The following WDFY4 variants were observed in gnomAD, a reference collection of about 807,000 sequenced individuals.
The protein encoded by WDFY4 is WDFY family member 4.
In WDFY4, 169 loss-of-function variants were observed where a neutral mutation model predicts 351.9. That is an observed-to-expected ratio of 0.48 (90% confidence interval 0.42 to 0.55). The LOEUF is 0.55. Ranked by LOEUF, WDFY4 falls within the 20% of genes least tolerant of loss-of-function variation. The pLI is 0.00. For synonymous variants in WDFY4, 1,622 were observed against 1,574.6 expected, an observed-to-expected ratio of 1.03 and a Z score of -0.71; for missense variants, 3,803 against 3,935.6, an observed-to-expected ratio of 0.97 and a Z score of 0.90.
At chr10:48,820,588 C>A in intron 33 of WDFY4, 151 bp downstream of exon 33, 1 of 379,666 alleles carries the variant, frequency 2.6e-6, no homozygotes, top group Non-Finnish European at 3.6e-6. Context: ...AAAAAAGCAA[C>A]AGGTGATAGA....
At chr10:48,828,706 TAAAG>T (rs1007610472) in intron 36 of WDFY4, 68 bp from the exon 37 acceptor site, 175 of 883,958 alleles carry the variant, frequency 2.0e-4, no homozygotes, top group Middle Eastern at 2.4e-4. Flanking sequence ...TTATTTGTAA[TAAAG>T]AACAATAGAA....
At chr10:48,765,700 C>T (rs1045140385) in intron 13 of WDFY4, among the ~76,000 whole-genome samples, 1 of 152,156 alleles carries the variant, frequency 6.6e-6, no homozygotes, top group African/African-American at 2.4e-5. Flanking sequence ...GACTGGACCT[C>T]CTGCCCCCCA....
chr10:48,778,289 G>A (rs1411029394), intron 17 of WDFY4, among the ~76,000 whole-genome samples: 4 of 152,230 alleles, frequency 2.6e-5, no homozygotes, highest in African/African-American at 9.6e-5. Flanking sequence ...TGTGATGGGA[G>A]GGCACATGGC....
chr10:48,875,079 C>A lies in WDFY4; in HGVS notation c.6949-10C>A. The A allele has an allele frequency of 6.8e-7, 1 of 1,475,874 alleles. No individual in the cohort carries two copies. The highest frequency in any genetic ancestry group is 9.0e-7 in the Non-Finnish European group (1 of 1,109,130). The allele number at this position is 1,475,874 out of a possible 1,614,324, so 91.4% of individuals were successfully genotyped here. Reference sequence around the variant, plus strand: ...GGATTTAATTTTTCTTTTCAATGTCCTTATTTCAGGAAAGCCAAGACAAAA... The same window carrying A: ...GGATTTAATTTTTCTTTTCAATGTCATTATTTCAGGAAAGCCAAGACAAAA... On this transcript the variant is annotated splice_polypyrimidine_tract_variant and intron_variant, in intron 41 of 61. Transcript: ENST00000325239.
intron 9 of WDFY4, among the ~76,000 whole-genome samples, chr10:48,731,918 TC>T: frequency 6.6e-6 from 1 of 152,080 alleles, no homozygotes; most frequent in South Asian, 2.1e-4. Flanking sequence ...CCTCCTGGGG[TC>T]TGCTGGGATA....
At chr10:48,787,974 TCTTCTTCTTCTC>T (rs1565199346) in intron 20 of WDFY4, among the ~76,000 whole-genome samples, 51 of 74,122 alleles carry the variant, frequency 6.9e-4, no homozygotes, top group South Asian at 3.2e-3. Context: ...TTCTTCTTCT[TCTTCTTCTTCTC>T]CTTCTCCTTC....
At chr10:48,767,910 C>T (rs1021657208) in intron 13 of WDFY4, among the ~76,000 whole-genome samples, 39 of 152,204 alleles carry the variant, frequency 2.6e-4, no homozygotes, top group African/African-American at 8.7e-4. Context: ...ACTTCCAGGA[C>T]CCCCAGAAAG....
intron 57 of WDFY4, among the ~76,000 whole-genome samples, chr10:48,972,301 A>T (rs1842371991): frequency 6.6e-6 from 1 of 152,246 alleles, no homozygotes; most frequent in South Asian, 2.1e-4. Flanking sequence ...TTTTATTTTT[A>T]AAGATACTGC....
At position 48,826,812 on chromosome 10, in the gene WDFY4, C is replaced by T; in HGVS notation, c.6124C>T (p.Leu2042=). 6.4e-7 allele frequency: 1 copy of T among 1,551,916 alleles called. No individual in the cohort carries two copies. The highest frequency in any genetic ancestry group is 8.7e-7 in the Non-Finnish European group (1 of 1,147,004). ...CLGLLSILGF[L]QEHWDVVFAT... ...CGGCCTTCTCAGCATCCTGGGCTTT[C>T]TGCAGGAGCACTGGGATGTTGTCTT... The change falls in exon 36 of 62, where the codon CTG becomes TTG. Residue 2042 remains leucine (L), a synonymous_variant. Coordinates refer to ENST00000325239, the MANE Select transcript of WDFY4 (RefSeq NM_001394531.1).
At chr10:48,835,763 C>T (rs944500520) in intron 39 of WDFY4, among the ~76,000 whole-genome samples, 4 of 152,212 alleles carry the variant, frequency 2.6e-5, no homozygotes, top group African/African-American at 9.6e-5. Flanking sequence ...TCTCCACTGA[C>T]CCCACTTTCC....
chr10:48,790,614 C>A, intron 22 of WDFY4, 113 bp from the exon 23 acceptor site: 2 of 1,238,388 alleles, frequency 1.6e-6, no homozygotes, highest in Non-Finnish European at 2.2e-6. Context: ...GTCCCTCTGG[C>A]TGTGGATGGA....
intron 42 of WDFY4, among the ~76,000 whole-genome samples, chr10:48,875,414 G>A (rs1191803420): frequency 6.6e-6 from 1 of 152,190 alleles, no homozygotes; most frequent in Admixed American, 6.5e-5. Context: ...GATCTTAAAA[G>A]TATTCCCAAA....
At chr10:48,877,854 C>T (rs974099425) in intron 43 of WDFY4, among the ~76,000 whole-genome samples, 1 of 152,198 alleles carries the variant, frequency 6.6e-6, no homozygotes, top group Non-Finnish European at 1.5e-5. Context: ...CTTGGCCTGG[C>T]TGGGGAGGTC....
chr10:48,701,334 T>C (rs545606593), intron 1 of WDFY4, among the ~76,000 whole-genome samples: 6 of 152,334 alleles, frequency 3.9e-5, no homozygotes, highest in African/African-American at 1.2e-4. Context: ...CTGGCTTGTC[T>C]CCACCCTCTG....
intron 39 of WDFY4, among the ~76,000 whole-genome samples, chr10:48,861,742 A>AG (rs1220406446): frequency 6.6e-6 from 1 of 151,880 alleles, no homozygotes; most frequent in African/African-American, 2.4e-5. Flanking sequence ...ATCTTTTGCT[A>AG]TTTGGGGGAT....
At chr10:48,889,229 G>A (rs913026928) in intron 43 of WDFY4, among the ~76,000 whole-genome samples, 2 of 152,168 alleles carry the variant, frequency 1.3e-5, no homozygotes, top group East Asian at 1.9e-4. Flanking sequence ...CCTAGCTTAC[G>A]AAAAACAGCT....
chr10:48,733,838 A>G (rs983907208), intron 9 of WDFY4, 93 bp from the exon 10 acceptor site: 3 of 1,116,472 alleles, frequency 2.7e-6, no homozygotes, highest in Non-Finnish European at 3.9e-6. Flanking sequence ...TTATATTCAC[A>G]TCTCCTTAAG....
At chr10:48,940,878 T>C (rs1840716542) in intron 47 of WDFY4, among the ~76,000 whole-genome samples, 1 of 152,204 alleles carries the variant, frequency 6.6e-6, no homozygotes, top group Non-Finnish European at 1.5e-5. Flanking sequence ...TGTTACCCTT[T>C]TTTCCTACCA....
At chr10:48,770,614 TA>T (rs35759132) in intron 13 of WDFY4, among the ~76,000 whole-genome samples, 35,436 of 152,078 alleles carry the variant, frequency 0.23, 4,465 homozygotes, top group East Asian at 0.53. Flanking sequence ...GGGCTGGGCT[TA>T]GGTGGATGAA....
Sources: gnomAD v4.1 joint callset for allele counts (sites outside exome capture counted in the v4.1 genomes callset) on GRCh38, gnomAD v4.1.1 for gene constraint, MANE v1.5 for transcripts, NCBI Gene and HGNC (gene_info 2026-07-23, HGNC 2026-07-21) for gene names.